OR13A1: variants seen among roughly 807,000 people sequenced by gnomAD.
OR13A1 encodes olfactory receptor family 13 subfamily A member 1.
OR13A1 carries 10 observed loss-of-function variants against 7.5 expected under a neutral mutation model. The observed-to-expected ratio is 1.34, with a 90% CI of 0.83 to 2.27. The LOEUF is 2.27. OR13A1 is among the 30% of genes most tolerant of loss of function. The pLI is 0.00. For missense variants in OR13A1, 509 were observed against 419.1 expected (o/e 1.21, Z -1.87); for synonymous variants, 238 against 177.9 (o/e 1.34, Z -2.69).
chr10:45,308,172 C>T (rs1389817816), intron 1 of OR13A1, among the ~76,000 whole-genome samples: 1 of 152,126 alleles, frequency 6.6e-6, no homozygotes, highest in Admixed American at 6.5e-5. Context: ...GAACAGAAAA[C>T]TAAAAATCAG....
At chr10:45,315,342 A>T (rs1838503835) in intron 1 of OR13A1, among the ~76,000 whole-genome samples, 182 bp downstream of exon 1, 1 of 152,180 alleles carries the variant, frequency 6.6e-6, no homozygotes. Context: ...AACATGCAAA[A>T]ATCAATGTAA....
intron 1 of OR13A1, among the ~76,000 whole-genome samples, chr10:45,312,572 CA>C (rs34131771): frequency 4.7e-5 from 7 of 148,876 alleles, no homozygotes; most frequent in South Asian, 2.1e-4. Context: ...AAGATATGAA[CA>C]AAAAAAAAAT....
intron 3 of OR13A1, 135 bp downstream of exon 3, chr10:45,307,291 C>T (rs17521948): frequency 0.083 from 12,604 of 152,300 alleles, 721 homozygotes; most frequent in Non-Finnish European, 0.11. Context: ...CACAATCTCT[C>T]TCTTAGCTCC....
chr10:45,305,211 G>A (rs1400922948), intron 3 of OR13A1, among the ~76,000 whole-genome samples: 2 of 151,772 alleles, frequency 1.3e-5, no homozygotes, highest in Non-Finnish European at 2.9e-5. Context: ...TCTAGCCTGG[G>A]CGACAGAGTG....
At chr10:45,308,211 T>G (rs1053377618) in intron 1 of OR13A1, among the ~76,000 whole-genome samples, 2 of 152,180 alleles carry the variant, frequency 1.3e-5, no homozygotes, top group Non-Finnish European at 2.9e-5. Flanking sequence ...ATGTTCAGGG[T>G]CAAATCTGAA....
chr10:45,304,158 T>A lies in OR13A1; in HGVS notation c.265A>T (p.Ile89Phe), dbSNP rs749622262. The A allele has an allele frequency of 1.9e-6, 3 of 1,614,202 alleles. No individual in the cohort carries two copies. Among genetic ancestry groups the A allele is most frequent in the Non-Finnish European group, 2.5e-6 (3 of 1,180,038 alleles). Reference protein sequence around the residue: ...FFLLNLATMDIICTSSIMPKA... With the variant: ...FFLLNLATMDFICTSSIMPKA... The stretch of plus-strand genomic sequence containing the variant: ...GGCATGATGGAAGAGGTGCAGATAA[T>A]GTCCATAGTAGCCAAGTTGAGTAAG... Residue 89 changes from isoleucine (I) to phenylalanine (F), a missense_variant, in exon 4 of 4, where the codon ATT (isoleucine) becomes TTT (phenylalanine). Coordinates refer to ENST00000553795, the MANE Select transcript of OR13A1 (RefSeq NM_001004297.3).
rs150690108 is a variant in OR13A1, at chr10:45,303,076, G to A, written c.*360C>T. ...AGACCCACACAGCTGAATTCTAGGT[G>A]TGATTTTAGAATTTACACCCTGAGT... is the stretch of plus-strand genomic sequence containing the variant. On this transcript the variant is annotated 3_prime_UTR_variant, in exon 4 of 4. Coordinates refer to ENST00000553795, the MANE Select transcript of OR13A1 (RefSeq NM_001004297.3). The A allele has an allele frequency of 7.1e-5, 13 of 183,588 alleles. No homozygotes were observed. The South Asian group carries it at 1.1e-3, about 16-fold the overall frequency. 11.4% of individuals were successfully genotyped at this position (183,588 alleles called of 1,614,324 possible).
At chr10:45,312,841 A>G (rs906606338) in intron 1 of OR13A1, among the ~76,000 whole-genome samples, 1 of 152,142 alleles carries the variant, frequency 6.6e-6, no homozygotes, top group Non-Finnish European at 1.5e-5. Context: ...TTCAAACATA[A>G]AGGAAAAATC....
In OR13A1 at chr10:45,304,409, A is replaced by T. The variant is rs371308728; in HGVS notation, c.14T>A (p.Met5Lys). Residue 5 changes from methionine (M) to lysine (K), a missense_variant, in exon 4 of 4, where the codon ATG (methionine) becomes AAG (lysine). Physicochemically the swap from Met to Lys is moderately conservative, Grantham distance 95. Coordinates refer to ENST00000553795, the MANE Select transcript of OR13A1 (RefSeq NM_001004297.3). ...TTCTGGGACTATCAGGTGACTCTCC[A>T]TCCACAGCTTCATGTGATTTCAGAG... The part of the protein sequence containing the change: MKLW[M>K]ESHLIVPETR... 1.2e-6 allele frequency: 2 copies of T among 1,612,348 alleles called. No individual in the cohort carries two copies. Among genetic ancestry groups the T allele is most frequent in the Non-Finnish European group, 1.7e-6 (2 of 1,179,306 alleles).
intron 1 of OR13A1, among the ~76,000 whole-genome samples, chr10:45,311,612 A>T (rs1838449320): frequency 6.6e-6 from 1 of 152,172 alleles, no homozygotes; most frequent in African/African-American, 2.4e-5. Flanking sequence ...TGACAAAAAT[A>T]AGAGAACTAG....
chr10:45,306,637 A>G (rs1838336437), intron 3 of OR13A1, among the ~76,000 whole-genome samples: 1 of 152,232 alleles, frequency 6.6e-6, no homozygotes, highest in Non-Finnish European at 1.5e-5. Context: ...AAAATGACCA[A>G]ACATCATCTC....
At chr10:45,307,882 T>A (rs1489729186) in intron 1 of OR13A1, 74 bp from the exon 2 acceptor site, 1 of 152,186 alleles carries the variant, frequency 6.6e-6, no homozygotes, top group Non-Finnish European at 1.5e-5. Flanking sequence ...CCTCAAAATC[T>A]CTGAAATTAA....
chr10:45,303,071 T>C lies in OR13A1; in HGVS notation c.*365A>G, dbSNP rs1838239775. The C allele has an allele frequency of 5.5e-6, 1 of 180,922 alleles. No individual in the cohort carries two copies. The highest frequency in any genetic ancestry group is 1.2e-5 in the Non-Finnish European group (1 of 86,782). 11.2% of individuals were successfully genotyped at this position (180,922 alleles called of 1,614,324 possible). ...TTTTTAGACCCACACAGCTGAATTC[T>C]AGGTGTGATTTTAGAATTTACACCC... On this transcript the variant is annotated 3_prime_UTR_variant, in exon 4 of 4. Transcript: ENST00000553795.
In OR13A1 at chr10:45,303,608, G is replaced by T. The variant is rs778211829; in HGVS notation, c.815C>A (p.Ala272Asp). 1.9e-6 allele frequency: 3 copies of T among 1,613,664 alleles called. No individual in the cohort carries two copies. In the South Asian group the frequency reaches 3.3e-5, roughly 18 times the overall value. Residue 272 changes from alanine to aspartate, a missense_variant, in exon 4 of 4, where the codon GCT becomes GAT. Ala to Asp is a moderately radical substitution (Grantham distance 126). Transcript: ENST00000553795. ...CGGGCTTATGTAGGCGTAGAAGACA[G>T]CGGTGTAATACATGCACACCACGGT... ...HLTVVCMYYT[A>D]VFYAYISPVS... is the part of the protein sequence containing the mutation.
rs765895579 is a variant in OR13A1, at chr10:45,303,480, C to T, written c.943G>A (p.Val315Ile). 11 of 1,611,072 alleles carry T rather than the reference C, an allele frequency of 6.8e-6. No homozygotes were observed. In the Admixed American group the frequency reaches 1.3e-4, roughly 20 times the overall value. Residue 315 changes from valine (V) to isoleucine (I), a missense_variant, in exon 4 of 4, where the codon GTC (valine) becomes ATC (isoleucine). Physicochemically the swap from Val to Ile is conservative, Grantham distance 29. Coordinates refer to ENST00000553795, the MANE Select transcript of OR13A1 (RefSeq NM_001004297.3). ...AAAAGCTTCCTGAGGGCTGCTTTGA[C>T]CTCCTTGTTTCTCAAAGTATAGATG... ...PLIYTLRNKE[V>I]KAALRKLFPF...
intron 3 of OR13A1, among the ~76,000 whole-genome samples, chr10:45,305,492 T>C (rs1156915655): frequency 1.3e-5 from 2 of 152,206 alleles, no homozygotes; most frequent in African/African-American, 2.4e-5. Flanking sequence ...CTGGTCTGTA[T>C]TTTCTACTTT....
chr10:45,303,508 G>C lies in OR13A1; in HGVS notation c.915C>G (p.Pro305=). The change falls in exon 4 of 4, where the codon CCC becomes CCG. Residue 305 remains proline (P), a synonymous_variant. Coordinates refer to ENST00000553795, the MANE Select transcript of OR13A1 (RefSeq NM_001004297.3). ...CCTTGTTTCTCAAAGTATAGATGAG[G>C]GGGTTGAGGGTAGGACTCAGCACAG... The part of the protein sequence containing the change: ...LYTVLSPTLN[P]LIYTLRNKEV... 6.2e-7 allele frequency: 1 copy of C among 1,614,110 alleles called. No individual in the cohort carries two copies. Among genetic ancestry groups the C allele is most frequent in the East Asian group, 2.2e-5 (1 of 44,890 alleles).
At position 45,304,440 on chromosome 10, in the gene OR13A1, GA is replaced by G. The variant is rs1348268112; in HGVS notation, c.-12-7del. On this transcript the variant is annotated splice_polypyrimidine_tract_variant and splice_region_variant and intron_variant, in intron 3 of 3. Transcript: ENST00000553795. The stretch of plus-strand genomic sequence containing the variant: ...AGCTTCATGTGATTTCAGAGCTAGA[GA>G]GATAAACAAGAGGTGTCCTGAGGAA... 1.9e-6 allele frequency: 3 copies of G among 1,600,768 alleles called. No homozygotes were observed. Among genetic ancestry groups the G allele is most frequent in the Non-Finnish European group, 2.6e-6 (3 of 1,173,412 alleles).
chr10:45,314,882 A>C (rs1285004475), intron 1 of OR13A1, among the ~76,000 whole-genome samples: 2 of 152,220 alleles, frequency 1.3e-5, no homozygotes, highest in African/African-American at 2.4e-5. Context: ...AAAAACGAAC[A>C]GACTTATAAC....
Sources: allele counts gnomAD v4.1 joint callset (sites outside exome capture counted in the v4.1 genomes callset), GRCh38; gene constraint gnomAD v4.1.1; transcripts MANE v1.5; gene names NCBI Gene and HGNC (gene_info 2026-07-23, HGNC 2026-07-21).